The following ARHGEF3 variants were observed in gnomAD, a reference collection of about 807,000 sequenced individuals.
The protein encoded by ARHGEF3 is Rho guanine nucleotide exchange factor 3.
ARHGEF3 carries 28 observed loss-of-function variants against 63.2 expected under a neutral mutation model. The observed-to-expected ratio is 0.44, with a 90% CI of 0.33 to 0.61. The LOEUF (loss-of-function observed/expected upper bound fraction) is 0.61. Ranked by LOEUF, ARHGEF3 falls within the 20% of genes least tolerant of loss-of-function variation. ARHGEF3 has a pLI of 0.03. For missense variants in ARHGEF3, 533 were observed against 659.3 expected, an observed-to-expected ratio of 0.81 and a Z score of 2.10; for synonymous variants, 266 against 254.2, an observed-to-expected ratio of 1.05 and a Z score of -0.44.
At chr3:56,987,767 C>G (rs544515196) in intron 2 of ARHGEF3, among the ~76,000 whole-genome samples, 1 of 152,348 alleles carries the variant, frequency 6.6e-6, no homozygotes, top group South Asian at 2.1e-4. Context: ...GAGACCACCT[C>G]AGGAACATGG....
intron 6 of ARHGEF3, among the ~76,000 whole-genome samples, chr3:56,748,289 C>G (rs1171207735): frequency 2.0e-5 from 3 of 152,150 alleles, no homozygotes; most frequent in African/African-American, 7.2e-5. Context: ...CTCAGGCTCC[C>G]AAAGTGCTGG....
intron 3 of ARHGEF3, among the ~76,000 whole-genome samples, chr3:56,904,869 G>T (rs530775658): frequency 8.5e-5 from 13 of 152,198 alleles, no homozygotes; most frequent in East Asian, 1.9e-4. Flanking sequence ...CATTTCCTTC[G>T]AACCATTTCT....
intron 2 of ARHGEF3, among the ~76,000 whole-genome samples, chr3:56,993,092 C>T (rs1016445753): frequency 6.6e-6 from 1 of 152,162 alleles, no homozygotes; most frequent in Non-Finnish European, 1.5e-5. Context: ...GCCTTGGCCT[C>T]CCAAAGTGCT....
intron 4 of ARHGEF3, among the ~76,000 whole-genome samples, chr3:56,846,197 A>T (rs1258240912): frequency 6.6e-6 from 1 of 152,138 alleles, no homozygotes; most frequent in African/African-American, 2.4e-5. Context: ...CTTCACTCCA[A>T]CCTAAGGGAG....
intron 4 of ARHGEF3, among the ~76,000 whole-genome samples, chr3:56,840,547 G>C (rs2039277921): frequency 6.6e-6 from 1 of 152,212 alleles, no homozygotes; most frequent in Non-Finnish European, 1.5e-5. Flanking sequence ...AGAAGTGGGT[G>C]TTTGCTGAGG....
At chr3:56,948,038 T>G (rs1292175312) in intron 3 of ARHGEF3, among the ~76,000 whole-genome samples, 4 of 152,108 alleles carry the variant, frequency 2.6e-5, no homozygotes, top group African/African-American at 4.8e-5. Flanking sequence ...ACTGGGTACA[T>G]AACGAAATGA....
At chr3:57,067,437 A>G (rs1705606992) in intron 1 of ARHGEF3, among the ~76,000 whole-genome samples, 1 of 143,846 alleles carries the variant, frequency 7.0e-6, no homozygotes, top group African/African-American at 2.6e-5. Context: ...CCTGGGTGAC[A>G]GCAAGACTCT....
intron 3 of ARHGEF3, among the ~76,000 whole-genome samples, chr3:56,900,406 G>A (rs1455162256): frequency 1.3e-5 from 2 of 152,198 alleles, no homozygotes; most frequent in Admixed American, 6.5e-5. Context: ...AGGCCAAGGC[G>A]GGAGGATTCC....
intron 4 of ARHGEF3, among the ~76,000 whole-genome samples, chr3:56,752,730 T>A (rs1336742624): frequency 6.6e-6 from 1 of 152,242 alleles, no homozygotes; most frequent in Non-Finnish European, 1.5e-5. Flanking sequence ...AATAACTTCT[T>A]TGTCCTCTCT....
intron 3 of ARHGEF3, among the ~76,000 whole-genome samples, chr3:56,952,717 A>T (rs1699867231): frequency 1.3e-5 from 2 of 152,320 alleles, no homozygotes; most frequent in South Asian, 4.1e-4. Context: ...AAATGAAGTT[A>T]TTGCTATTGT....
chr3:56,819,796 T>C (rs905077174), intron 4 of ARHGEF3, among the ~76,000 whole-genome samples: 4 of 151,998 alleles, frequency 2.6e-5, no homozygotes, highest in Admixed American at 2.0e-4. Flanking sequence ...GCTGGGATTA[T>C]AGGCATGAGC....
In ARHGEF3 at chr3:56,935,586, G is replaced by A. The variant is rs141012346; in HGVS notation, c.129+23237C>T. 1.3e-3 allele frequency among the ~76,000 whole-genome samples: 195 copies of A among 152,074 alleles called. 1 individual carries two copies. The highest frequency in any genetic ancestry group is 4.3e-3 in the African/African-American group (180 of 41,470). On this transcript the variant is annotated intron_variant, in intron 3 of 12. Coordinates refer to the ARHGEF3 transcript ENST00000338458. ...AGCCCAGCGAGACTACAAGCCCACCGGGAGGAACGAACAACTCCAGACGCT... is the reference window on the plus strand; with the variant it reads ...AGCCCAGCGAGACTACAAGCCCACCAGGAGGAACGAACAACTCCAGACGCT...
chr3:56,798,631 T>G (rs1251992142), intron 1 of ARHGEF3, among the ~76,000 whole-genome samples: 1 of 151,946 alleles, frequency 6.6e-6, no homozygotes, highest in Non-Finnish European at 1.5e-5. Flanking sequence ...GGATAATTCA[T>G]TAGAGGTAAC....
chr3:56,964,536 T>C (rs187100757), intron 2 of ARHGEF3, among the ~76,000 whole-genome samples: 247 of 152,216 alleles, frequency 1.6e-3, no homozygotes, highest in Non-Finnish European at 2.6e-3. Flanking sequence ...TGTTCACCAA[T>C]ATTATTGAGC....
chr3:57,077,955 GAA>G (rs1706291527), intron 1 of ARHGEF3, among the ~76,000 whole-genome samples: 1 of 152,160 alleles, frequency 6.6e-6, no homozygotes. Context: ...CTCCTTACCA[GAA>G]TAAGGGGAAG....
At chr3:56,817,674 C>T (rs902693468) in intron 4 of ARHGEF3, among the ~76,000 whole-genome samples, 5 of 152,204 alleles carry the variant, frequency 3.3e-5, no homozygotes, top group African/African-American at 1.2e-4. Context: ...GAAGAGGGTA[C>T]TGCCCTGTTG....
At chr3:56,921,042 G>C (rs188363654) in intron 3 of ARHGEF3, among the ~76,000 whole-genome samples, 2 of 121,192 alleles carry the variant, frequency 1.7e-5, no homozygotes, top group Admixed American at 1.0e-4. Context: ...GTGACAGAGC[G>C]AGACTCCATC....
intron 2 of ARHGEF3, among the ~76,000 whole-genome samples, chr3:56,963,015 C>T (rs149514564): frequency 6.6e-6 from 1 of 151,882 alleles, no homozygotes; most frequent in African/African-American, 2.4e-5. Context: ...CTGCTGTCTG[C>T]GCACTGTGTG....
At chr3:56,994,102 AAC>A (rs1701883552) in intron 2 of ARHGEF3, among the ~76,000 whole-genome samples, 3 of 149,856 alleles carry the variant, frequency 2.0e-5, no homozygotes, top group African/African-American at 4.9e-5. Flanking sequence ...TGTAGATTAT[AAC>A]ACACAATCTA....
Sources: gnomAD v4.1 joint callset for allele counts (sites outside exome capture counted in the v4.1 genomes callset) on GRCh38, gnomAD v4.1.1 for gene constraint, MANE v1.5 for transcripts, NCBI Gene and HGNC (gene_info 2026-07-23, HGNC 2026-07-21) for gene names.